ATXN1: variants seen among roughly 807,000 people sequenced by gnomAD.
ATXN1 encodes ataxin-1.
A neutral mutation model predicts 56.4 loss-of-function variants in ATXN1; 8 were observed. The ratio of observed to expected loss-of-function variants is 0.14; its 90% CI spans 0.08 to 0.26. ATXN1 has a LOEUF of 0.26. Among genes scored for constraint, ATXN1 ranks in the 10% least tolerant of loss-of-function variants. The pLI is 1.00. For synonymous variants in ATXN1, 514 were observed against 494.6 expected (o/e 1.04, Z -0.52); for missense variants, 987 against 1,106.5 (o/e 0.89, Z 1.53).
In ATXN1 at chr6:16,328,729, T is replaced by C. The variant is rs955940615; in HGVS notation, c.-160-259A>G. 6.6e-6 allele frequency among the ~76,000 whole-genome samples: 1 copy of C among 152,014 alleles called. No individual in the cohort carries two copies. The highest frequency in any genetic ancestry group is 2.4e-5 in the African/African-American group (1 of 41,384). The stretch of plus-strand genomic sequence containing the variant: ...ATTAAGACCATCCTGGCTAACATGG[T>C]GAAACCCCGTCTCTACCAAAAATAA... On this transcript the variant is annotated intron_variant, in intron 6 of 7. Coordinates refer to ENST00000436367, the MANE Select transcript of ATXN1 (RefSeq NM_001128164.2). The surrounding 1 kb of genome is among the most constrained non-coding windows in gnomAD (Gnocchi z 6.2).
intron 6 of ATXN1, among the ~76,000 whole-genome samples, chr6:16,389,802 G>A (rs537029521): frequency 2.0e-5 from 3 of 152,284 alleles, no homozygotes; most frequent in African/African-American, 7.2e-5. Flanking sequence ...AGCCCACAGG[G>A]CTCACAGGTT....
In ATXN1 at chr6:16,592,452, G is replaced by C. The variant is rs1010737762; in HGVS notation, c.-488-6545C>G. On this transcript the variant is annotated intron_variant, in intron 3 of 7. Transcript: ENST00000436367. ...ACCACGTGTTGCTCAGAAAAGAAAG[G>C]TGGGCACCAAAAGAACAGGTTTCTC... 5.3e-5 allele frequency among the ~76,000 whole-genome samples: 8 copies of C among 152,216 alleles called. No individual in the cohort carries two copies. The East Asian group carries it at 1.5e-3, about 29-fold the overall frequency.
chr6:16,573,711 A>G (rs1427809585), intron 4 of ATXN1, among the ~76,000 whole-genome samples: 1 of 152,160 alleles, frequency 6.6e-6, no homozygotes, highest in Non-Finnish European at 1.5e-5. Flanking sequence ...CAATGCACAT[A>G]TAACTCCGCT....
chr6:16,555,372 C>T (rs1182408679), intron 4 of ATXN1, among the ~76,000 whole-genome samples: 2 of 152,140 alleles, frequency 1.3e-5, no homozygotes, highest in Non-Finnish European at 2.9e-5. Context: ...ACAAACTAGG[C>T]TCAGAAAAGT....
chr6:16,414,832 A>T (rs111485195), intron 6 of ATXN1, among the ~76,000 whole-genome samples: 11,224 of 152,298 alleles, frequency 0.074, 559 homozygotes, highest in Middle Eastern at 0.11. Flanking sequence ...GTGGACTGGA[A>T]TGTTTCCAAT....
chr6:16,541,911 C>T (rs1441936112), intron 4 of ATXN1, among the ~76,000 whole-genome samples: 2 of 152,118 alleles, frequency 1.3e-5, no homozygotes, highest in Non-Finnish European at 2.9e-5. Flanking sequence ...ACTCAAAGGA[C>T]AGAAAGTACA....
intron 6 of ATXN1, among the ~76,000 whole-genome samples, chr6:16,449,486 T>C (rs1305931452): frequency 6.6e-6 from 1 of 152,168 alleles, no homozygotes; most frequent in South Asian, 2.1e-4. Context: ...CTCAGGCTTA[T>C]GAGTTTCTTC....
At chr6:16,652,749 A>G (rs964636236) in intron 3 of ATXN1, 2 of 152,230 alleles carry the variant, frequency 1.3e-5, no homozygotes, top group Non-Finnish European at 2.9e-5. Flanking sequence ...TAAGGTCTCC[A>G]TGAAGCACAT....
intron 6 of ATXN1, among the ~76,000 whole-genome samples, chr6:16,341,876 G>GTTT (rs1761258049): frequency 9.7e-6 from 1 of 103,570 alleles, no homozygotes; most frequent in African/African-American, 3.9e-5. Context: ...ATGTCTCAGT[G>GTTT]ATTTTTTTTT....
chr6:16,462,428 A>G (rs1041079130), intron 6 of ATXN1, among the ~76,000 whole-genome samples: 1 of 152,188 alleles, frequency 6.6e-6, no homozygotes, highest in Admixed American at 6.5e-5. Context: ...TCCTAAGGAA[A>G]AACTCTTTCC....
Position 16,301,934 on chromosome 6 carries a change from C to T in ATXN1, c.*4395G>A, listed in dbSNP as rs1427773716. 6.5e-6 allele frequency: 1 copy of T among 152,676 alleles called. No individual in the cohort carries two copies. The highest frequency in any genetic ancestry group is 1.5e-5 in the Non-Finnish European group (1 of 68,044). 9.5% of individuals were successfully genotyped at this position (152,676 alleles called of 1,614,324 possible). ...ACAGATGTTAAAGGGTATTGTCAATCGTTTCCTTAAAAAACAAAACAAAAC... is the reference window on the plus strand; with the variant it reads ...ACAGATGTTAAAGGGTATTGTCAATTGTTTCCTTAAAAAACAAAACAAAAC... On this transcript the variant is annotated 3_prime_UTR_variant, in exon 8 of 8. Transcript: ENST00000436367.
rs571741147 is a variant in ATXN1 at position 16,567,216 on chromosome 6, T to C, written c.-361+18564A>G. On this transcript the variant is annotated intron_variant, in intron 4 of 7. Transcript: ENST00000436367. The stretch of plus-strand genomic sequence containing the variant: ...GGGGGATATGACTGCCAACTGAAGA[T>C]GGCAGAAAAAACATGCCATTGAAAT... Among the ~76,000 whole-genome samples the C allele has an allele frequency of 4.6e-5, 7 of 152,314 alleles. No homozygotes were observed. In the South Asian group the frequency reaches 1.0e-3, roughly 23 times the overall value.
chr6:16,366,183 G>T (rs920638446), intron 6 of ATXN1, among the ~76,000 whole-genome samples: 1 of 152,064 alleles, frequency 6.6e-6, no homozygotes. Context: ...TTCATGACAG[G>T]TCTGCTTGTT....
chr6:16,466,620 T>G (rs1760112902), intron 6 of ATXN1, among the ~76,000 whole-genome samples: 1 of 152,178 alleles, frequency 6.6e-6, no homozygotes, highest in South Asian at 2.1e-4. Flanking sequence ...TTCACAACTT[T>G]TGCAATGTGA....
At chr6:16,310,692 T>A (rs1760368357) in intron 7 of ATXN1, among the ~76,000 whole-genome samples, 1 of 152,196 alleles carries the variant, frequency 6.6e-6, no homozygotes. Flanking sequence ...CTTCACCATG[T>A]TGGCCAGGAT....
At chr6:16,382,722 A>G (rs1758154929) in intron 6 of ATXN1, among the ~76,000 whole-genome samples, 1 of 152,160 alleles carries the variant, frequency 6.6e-6, no homozygotes, top group African/African-American at 2.4e-5. Flanking sequence ...ACTCACATCT[A>G]GAGCAGGGGT....
intron 3 of ATXN1, among the ~76,000 whole-genome samples, chr6:16,621,104 G>A (rs1350777845): frequency 6.6e-6 from 1 of 152,252 alleles, no homozygotes; most frequent in Non-Finnish European, 1.5e-5. Flanking sequence ...TGTAGAAAGA[G>A]ACAAATGAGC....
chr6:16,389,856 G>A (rs989314321), intron 6 of ATXN1, among the ~76,000 whole-genome samples: 6 of 152,016 alleles, frequency 3.9e-5, no homozygotes, highest in Admixed American at 1.3e-4. Flanking sequence ...TCCAACAGCA[G>A]GTGTCATGTG....
intron 2 of ATXN1, among the ~76,000 whole-genome samples, chr6:16,741,869 T>C (rs1000848490): frequency 1.3e-5 from 2 of 152,240 alleles, no homozygotes; most frequent in South Asian, 4.1e-4. Context: ...TTATATCTGT[T>C]TACACAGATT....
Sources: gnomAD v4.1 joint callset for allele counts (sites outside exome capture counted in the v4.1 genomes callset) on GRCh38, gnomAD v4.1.1 for gene constraint, Gnocchi (gnomAD v3.1) non-coding constraint, MANE v1.5 for transcripts, NCBI Gene and HGNC (gene_info 2026-07-23, HGNC 2026-07-21) for gene names.